The following POLR1D variants were observed in gnomAD, a reference collection of about 807,000 sequenced individuals.
POLR1D encodes the protein RNA polymerase I and III subunit D, also known as DNA-directed RNA polymerases I and III subunit RPAC2.
Under a neutral mutation model 10.8 loss-of-function variants are expected in POLR1D, and 8 were observed. That is an observed-to-expected ratio of 0.74 (90% CI 0.43 to 1.33). POLR1D has a LOEUF of 1.33. POLR1D is among the 40% of genes most tolerant of loss of function. POLR1D has a pLI of 0.01. For missense variants in POLR1D, 152 were observed against 161.7 expected (o/e 0.94, Z 0.32); for synonymous variants, 54 against 57.2 (o/e 0.94, Z 0.25).
chr13:27,665,494 A>T, intron 2 of POLR1D: 1 of 615,734 alleles, frequency 1.6e-6, no homozygotes, highest in South Asian at 2.0e-5. Flanking sequence ...TTGTCTCAAG[A>T]ATTCCAATCG....
At chr13:27,631,797 G>A (rs1393574434) in intron 1 of POLR1D, among the ~76,000 whole-genome samples, 2 of 152,172 alleles carry the variant, frequency 1.3e-5, no homozygotes, top group Non-Finnish European at 2.9e-5. Flanking sequence ...TGAATAATGT[G>A]CATGATTACA....
chr13:27,657,367 TAAAATAC>T (rs1381804063), intron 2 of POLR1D, among the ~76,000 whole-genome samples: 3 of 151,792 alleles, frequency 2.0e-5, no homozygotes. Context: ...CCATCTCTAC[TAAAATAC>T]AAAAAATCAG....
intron 1 of POLR1D, among the ~76,000 whole-genome samples, chr13:27,635,210 G>A (rs553567430): frequency 2.6e-5 from 4 of 152,140 alleles, no homozygotes; most frequent in South Asian, 4.1e-4. Flanking sequence ...GACAATACTT[G>A]GTTTCTGAAA....
At chr13:27,660,449 G>A (rs1286091567) in intron 2 of POLR1D, among the ~76,000 whole-genome samples, 3 of 152,208 alleles carry the variant, frequency 2.0e-5, no homozygotes, top group African/African-American at 7.2e-5. Flanking sequence ...ACTCCAAGGT[G>A]TCTATTCCCT....
At chr13:27,621,722 T>A, upstream of POLR1D, 1 of 291,888 alleles carries the variant, frequency 3.4e-6, no homozygotes, top group Non-Finnish European at 6.2e-6. Flanking sequence ...CCGCCGCGAG[T>A]GGCCTCGCGT....
At chr13:27,648,171 T>C (rs1481893351) in intron 1 of POLR1D, 2 of 431,318 alleles carry the variant, frequency 4.6e-6, no homozygotes, top group Non-Finnish European at 8.5e-6. Flanking sequence ...AGTTTGTAAT[T>C]TTTTTCTCTT....
intron 1 of POLR1D, among the ~76,000 whole-genome samples, chr13:27,640,973 C>T (rs1024917531): frequency 5.9e-5 from 9 of 152,034 alleles, no homozygotes; most frequent in Non-Finnish European, 7.4e-5. Context: ...TCTAGTCTTA[C>T]CTAGTACAAT....
rs558617085 is a variant in POLR1D at position 27,631,374 on chromosome 13, G to A, written c.26+9365G>A. Among the ~76,000 whole-genome samples, 11 of 152,270 alleles carry A rather than the reference G, an allele frequency of 7.2e-5. No homozygotes were observed. In the South Asian group the frequency reaches 2.3e-3, roughly 32 times the overall value. On this transcript the variant is annotated intron_variant, in intron 1 of 2. Transcript: ENST00000399697. ...CCAAGACAGAAGCCAGTCTTTTTAT[G>A]CCCTACTCTCAGAAGTGGCATTCCA...
exon 3 of POLR1D, chr13:27,666,557 G>A (rs1956421084): frequency 6.6e-6 from 1 of 152,114 alleles, no homozygotes; most frequent in African/African-American, 2.4e-5. Context: ...GTTGTTTCCT[G>A]TGCATTCTCA....
At chr13:27,634,327 G>C (rs1273372706) in intron 1 of POLR1D, among the ~76,000 whole-genome samples, 1 of 152,138 alleles carries the variant, frequency 6.6e-6, no homozygotes, top group East Asian at 1.9e-4. Flanking sequence ...GCCCAGACTT[G>C]TAGCAAGCAA....
intron 2 of POLR1D, chr13:27,650,510 C>CTT (rs1956258893): frequency 6.4e-6 from 1 of 156,496 alleles, no homozygotes; most frequent in African/African-American, 2.4e-5. Flanking sequence ...CTCTAAGACT[C>CTT]TTAGGTGTGA....
chr13:27,665,910 G>T, exon 3 of POLR1D: 4 of 1,614,206 alleles, frequency 2.5e-6, no homozygotes, highest in Non-Finnish European at 2.5e-6. Context: ...CCACGAAAGC[G>T]GAGCAGCCAG....
chr13:27,622,865 A>G lies in POLR1D; in HGVS notation c.27-10A>G, dbSNP rs959489852. 1.9e-6 allele frequency: 3 copies of G among 1,572,808 alleles called. 1 individual carries two copies. The highest frequency in any genetic ancestry group is 1.7e-5 in the Admixed American group (1 of 59,894). On this transcript the variant is annotated splice_polypyrimidine_tract_variant and intron_variant, in intron 1 of 1. Transcript: ENST00000302979. ...GTATGATCTCATTTTTATAAAAAAT[A>G]TGTGTGTAGAAAAATATCTGGATTG... is the stretch of plus-strand genomic sequence containing the variant.
downstream of POLR1D, among the ~76,000 whole-genome samples, chr13:27,626,543 C>T (rs989372906): frequency 6.6e-6 from 1 of 152,124 alleles, no homozygotes; most frequent in Admixed American, 6.5e-5. Context: ...CTGTAGGGAC[C>T]TGAGGGAAAG....
Position 27,622,184 on chromosome 13 carries a change from A to G in POLR1D, c.26+175A>G, listed in dbSNP as rs73432869. On this transcript the variant is annotated intron_variant, in intron 1 of 1. Transcript: ENST00000302979. ...TTTCAGTTGAGAGGCTGAGAGGTAC[A>G]CTAGCTATCAAGGAGGGAAGACAAG... is the stretch of plus-strand genomic sequence containing the variant. The G allele has an allele frequency of 0.11, 71,513 of 643,866 alleles. 4,845 individuals carry two copies. Among genetic ancestry groups the G allele is most frequent in the East Asian group, 0.23 (8,414 of 36,442 alleles). The allele number at this position is 643,866 out of a possible 1,614,324, so 39.9% of individuals were successfully genotyped here.
rs1955960612 is a variant in POLR1D at position 27,622,749 on chromosome 13, G to A, written c.27-126G>A. On this transcript the variant is annotated intron_variant, in intron 1 of 1. Transcript: ENST00000302979. ...TTGTGGAGGCAGGAAAATGAGAGGC[G>A]AATAATTCTGTGTAGCTGGAGTAGA... 12 of 660,994 alleles carry A rather than the reference G, an allele frequency of 1.8e-5. No individual in the cohort carries two copies. The East Asian group carries it at 2.7e-4, about 15-fold the overall frequency. The allele number at this position is 660,994 out of a possible 1,614,324, so 40.9% of individuals were successfully genotyped here. A position where few individuals can be genotyped will look rare whatever the true frequency, so the allele number is the denominator to read the frequency against.
In POLR1D at chr13:27,622,895, C is replaced by T. The variant is rs921178811; in HGVS notation, c.47C>T (p.Thr16Ile). Residue 16 changes from threonine (T) to isoleucine (I), a missense_variant, in exon 2 of 2, where the codon ACC becomes ATC. Coordinates refer to ENST00000302979, the MANE Select transcript of POLR1D (RefSeq NM_015972.4). ...TGTAGAAAAATATCTGGATTGAAGACCTCAATGGCTGAAGGCGAGAGGAAG... is the reference window on the plus strand; with the variant it reads ...TGTAGAAAAATATCTGGATTGAAGATCTCAATGGCTGAAGGCGAGAGGAAG... ...ELERKISGLK[T>I]SMAEGERKTA... The T allele has an allele frequency of 6.2e-7, 1 of 1,607,978 alleles. No homozygotes were observed. Among genetic ancestry groups the T allele is most frequent in the Non-Finnish European group, 8.5e-7 (1 of 1,174,608 alleles).
At chr13:27,641,683 G>A (rs766549569) in intron 1 of POLR1D, among the ~76,000 whole-genome samples, 6 of 152,276 alleles carry the variant, frequency 3.9e-5, no homozygotes, top group Admixed American at 2.0e-4. Context: ...GACTTCATGT[G>A]CCCCTCAGTG....
At position 27,652,633 on chromosome 13, in the gene POLR1D, G is replaced by T. The variant is rs1438496477; in HGVS notation, c.101+4180G>T. Among the ~76,000 whole-genome samples, 3 of 119,176 alleles carry T rather than the reference G, an allele frequency of 2.5e-5. No individual in the cohort carries two copies. The Admixed American group carries it at 2.8e-4, about 11-fold the overall frequency. The allele number at this position is 119,176 out of a possible 152,430, so 78.2% of individuals were successfully genotyped here. On this transcript the variant is annotated intron_variant, in intron 2 of 2. Transcript: ENST00000399697. ...CGCCTATAATCCCAGCACTTTGGGA[G>T]GCCGAGGTGGGCGGATCACTTGAGT...
Sources: gnomAD v4.1 joint callset for allele counts (sites outside exome capture counted in the v4.1 genomes callset) on GRCh38, gnomAD v4.1.1 for gene constraint, MANE v1.5 for transcripts, NCBI Gene and HGNC (gene_info 2026-07-23, HGNC 2026-07-21) for gene names.